STX8: variants seen among roughly 807,000 people sequenced by gnomAD.
STX8 encodes syntaxin 8.
Under a neutral mutation model 37.5 loss-of-function variants are expected in STX8, and 23 were observed. The ratio of observed to expected loss-of-function variants is 0.61; its 90% CI spans 0.44 to 0.87. The LOEUF (loss-of-function observed/expected upper bound fraction) is 0.87. Ranked by LOEUF, STX8 falls within the 40% of genes least tolerant of loss-of-function variation. The pLI is 0.00. For missense variants in STX8, 313 were observed against 284.7 expected (o/e 1.10, Z -0.71); for synonymous variants, 115 against 99.1 (o/e 1.16, Z -0.95).
At chr17:9,278,551 A>G (rs890642296) in intron 7 of STX8, among the ~76,000 whole-genome samples, 4 of 152,190 alleles carry the variant, frequency 2.6e-5, no homozygotes, top group African/African-American at 9.7e-5. Context: ...CAAAATTTCT[A>G]CCTTGAATAA....
intron 6 of STX8, among the ~76,000 whole-genome samples, chr17:9,480,002 T>C (rs1165785908): frequency 6.6e-6 from 1 of 152,256 alleles, no homozygotes; most frequent in African/African-American, 2.4e-5. Flanking sequence ...TTCATACAGG[T>C]AACTGCTGTT....
At position 9,362,408 on chromosome 17, in the gene STX8, C is replaced by T. The variant is rs536843347; in HGVS notation, c.643+16144G>A. ...GAAAAACATAAGGAATCTCTATCTA[C>T]CAATTACTTTTGAACACAGAACCCA... On this transcript the variant is annotated intron_variant, in intron 7 of 7. Transcript: ENST00000306357. Among the ~76,000 whole-genome samples, 7 of 152,302 alleles carry T rather than the reference C, an allele frequency of 4.6e-5. No individual in the cohort carries two copies. In the South Asian group the frequency reaches 1.2e-3, roughly 27 times the overall value.
At chr17:9,444,854 C>T (rs763349555) in intron 6 of STX8, among the ~76,000 whole-genome samples, 9 of 152,146 alleles carry the variant, frequency 5.9e-5, no homozygotes, top group Non-Finnish European at 1.2e-4. Flanking sequence ...AGAATTGAAA[C>T]AGACTCTTTC....
chr17:9,564,780 C>T (rs1907387664), intron 2 of STX8, among the ~76,000 whole-genome samples: 1 of 152,170 alleles, frequency 6.6e-6, no homozygotes, highest in Non-Finnish European at 1.5e-5. Flanking sequence ...CCATACTGCC[C>T]AAAGCAATTT....
intron 7 of STX8, among the ~76,000 whole-genome samples, chr17:9,297,076 G>C (rs950918671): frequency 6.6e-6 from 1 of 152,028 alleles, no homozygotes; most frequent in Non-Finnish European, 1.5e-5. Flanking sequence ...TTCATGACAT[G>C]ATGCTTTGGA....
intron 6 of STX8, among the ~76,000 whole-genome samples, chr17:9,413,546 A>G (rs1305483710): frequency 1.3e-5 from 2 of 152,186 alleles, no homozygotes; most frequent in Admixed American, 1.3e-4. Context: ...ATAGGAGCTA[A>G]GGGTTTTCAA....
intron 7 of STX8, among the ~76,000 whole-genome samples, chr17:9,310,863 A>T (rs1909167328): frequency 1.3e-5 from 2 of 152,174 alleles, no homozygotes; most frequent in Non-Finnish European, 2.9e-5. Context: ...AGAGAACACA[A>T]TCCTAGTTTG....
chr17:9,348,286 C>T (rs1403951321), intron 7 of STX8, among the ~76,000 whole-genome samples: 3 of 151,796 alleles, frequency 2.0e-5, no homozygotes, highest in Admixed American at 6.6e-5. Flanking sequence ...AGGCGTGGTG[C>T]GGACGCCTGT....
At position 9,288,662 on chromosome 17, in the gene STX8, G is replaced by A. The variant is rs916563054; in HGVS notation, c.644-38017C>T. ...GGGTGACAGAGTGAGACTCCGTCTC[G>A]AAATAAATAAATAAAATAAATAAAT... On this transcript the variant is annotated intron_variant, in intron 7 of 7. Transcript: ENST00000306357. Among the ~76,000 whole-genome samples the A allele has an allele frequency of 9.4e-5, 14 of 149,656 alleles. No individual in the cohort carries two copies. In the South Asian group the frequency reaches 2.5e-3, roughly 27 times the overall value.
chr17:9,319,619 G>T (rs1406371280), intron 7 of STX8, among the ~76,000 whole-genome samples: 4 of 152,096 alleles, frequency 2.6e-5, no homozygotes, highest in African/African-American at 4.8e-5. Context: ...TTGGTCTCCA[G>T]GGAAAAAGGA....
intron 6 of STX8, among the ~76,000 whole-genome samples, chr17:9,456,118 G>C (rs1371634187): frequency 6.6e-6 from 1 of 152,082 alleles, no homozygotes; most frequent in African/African-American, 2.4e-5. Context: ...GCCACCCTCA[G>C]AGAAGGCCCT....
chr17:9,410,260 T>C (rs1363167801), intron 6 of STX8, among the ~76,000 whole-genome samples: 1 of 152,234 alleles, frequency 6.6e-6, no homozygotes, highest in Non-Finnish European at 1.5e-5. Flanking sequence ...TAATTTCTAT[T>C]TCAAATTATA....
chr17:9,548,101 TTTATTA>T (rs936589587), intron 3 of STX8, among the ~76,000 whole-genome samples: 6 of 151,394 alleles, frequency 4.0e-5, no homozygotes, highest in East Asian at 1.9e-4. Context: ...ACATTCTTTC[TTTATTA>T]TTATTATTAT....
At chr17:9,325,755 T>G (rs1210405144) in intron 7 of STX8, among the ~76,000 whole-genome samples, 1 of 152,256 alleles carries the variant, frequency 6.6e-6, no homozygotes, top group Admixed American at 6.5e-5. Context: ...TTTCTTACAT[T>G]TGAGGAACGC....
At chr17:9,288,140 C>A (rs138006559) in intron 7 of STX8, among the ~76,000 whole-genome samples, 134 of 61,414 alleles carry the variant, frequency 2.2e-3, no homozygotes, top group Non-Finnish European at 2.5e-3. Flanking sequence ...AACAAACAAA[C>A]AAAAAAAAAA....
chr17:9,340,437 G>C (rs1014521846), intron 7 of STX8, among the ~76,000 whole-genome samples: 1 of 152,062 alleles, frequency 6.6e-6, no homozygotes, highest in Admixed American at 6.5e-5. Context: ...TTAAGTAACG[G>C]GAATTTATAG....
intron 6 of STX8, among the ~76,000 whole-genome samples, chr17:9,416,590 A>T (rs531993176): frequency 6.6e-6 from 1 of 151,136 alleles, no homozygotes; most frequent in Admixed American, 6.6e-5. Context: ...GCTGGCCTTG[A>T]ACTCCTGACC....
chr17:9,401,825 A>G (rs1019112681), intron 6 of STX8, among the ~76,000 whole-genome samples: 1 of 152,196 alleles, frequency 6.6e-6, no homozygotes, highest in Non-Finnish European at 1.5e-5. Flanking sequence ...TTGTTTTAAA[A>G]AAACAAGTAA....
chr17:9,329,416 C>G (rs1909890097), intron 7 of STX8, among the ~76,000 whole-genome samples: 1 of 152,228 alleles, frequency 6.6e-6, no homozygotes, highest in Admixed American at 6.5e-5. Flanking sequence ...ATCACTCGCT[C>G]TCTGGCATCA....
Sources: gnomAD v4.1 joint callset for allele counts (sites outside exome capture counted in the v4.1 genomes callset) on GRCh38, gnomAD v4.1.1 for gene constraint, MANE v1.5 for transcripts, NCBI Gene and HGNC (gene_info 2026-07-23, HGNC 2026-07-21) for gene names.